HAUS6: variants seen among roughly 807,000 people sequenced by gnomAD.
The protein encoded by HAUS6 is HAUS augmin like complex subunit 6, also known as HAUS augmin-like complex subunit 6.
Under a neutral mutation model 106.8 loss-of-function variants are expected in HAUS6, and 80 were observed. The observed-to-expected ratio is 0.75, with a 90% CI of 0.63 to 0.90. The LOEUF (loss-of-function observed/expected upper bound fraction) is 0.90. Among genes scored for constraint, HAUS6 ranks in the 40% least tolerant of loss-of-function variants. HAUS6 has a pLI of 0.00. For synonymous variants in HAUS6, 356 were observed against 379.1 expected (o/e 0.94, Z 0.71); for missense variants, 1,155 against 1,118.1 (o/e 1.03, Z -0.47).
At chr9:19,083,222 T>A (rs1837204644) in intron 7 of HAUS6, among the ~76,000 whole-genome samples, 179 bp from the exon 8 acceptor site, 5 of 152,082 alleles carry the variant, frequency 3.3e-5, no homozygotes, top group Admixed American at 2.6e-4. Context: ...AGGGAATTTT[T>A]AAAAAAATGT....
At chr9:19,083,119 T>G (rs767515363) in intron 7 of HAUS6, 76 bp from the exon 8 acceptor site, 1 of 724,908 alleles carries the variant, frequency 1.4e-6, no homozygotes, top group Non-Finnish European at 2.1e-6. Context: ...GTATGTTCAC[T>G]CTTAGTAACA....
chr9:19,071,658 C>T lies in HAUS6; in HGVS notation c.1295-1358G>A, dbSNP rs139088689. Among the ~76,000 whole-genome samples the T allele has an allele frequency of 6.8e-3, 1,017 of 150,230 alleles. 10 individuals carry two copies. The highest frequency in any genetic ancestry group is 0.024 in the African/African-American group (975 of 40,822). ...CCACAATCATGGCTCACTACAGCCT[C>T]GACTTCCTGGGCTCAAGCGATCCTC... On this transcript the variant is annotated intron_variant, in intron 11 of 16. Coordinates refer to ENST00000380502, the MANE Select transcript of HAUS6 (RefSeq NM_017645.5).
rs1415142801 is a variant in HAUS6 at position 19,058,560 on chromosome 9, A to G, written c.2207T>C (p.Leu736Ser). The change falls in exon 16 of 17, where the codon TTG becomes TCG. Residue 736 changes from leucine (L) to serine (S), a missense_variant. Leu to Ser is a moderately radical substitution (Grantham distance 145). Transcript: ENST00000380502. ...GGSEEEFMKI[L>S]DHLEVSCNKP... Reference sequence around the variant, plus strand: ...GTTACAAGAAACTTCTAAGTGGTCCAATATTTTCATAAACTCCTCTTCACT... The same window carrying G: ...GTTACAAGAAACTTCTAAGTGGTCCGATATTTTCATAAACTCCTCTTCACT... 6 of 1,592,334 alleles carry G rather than the reference A, an allele frequency of 3.8e-6. No individual in the cohort carries two copies. The highest frequency in any genetic ancestry group is 5.2e-6 in the Non-Finnish European group (6 of 1,164,954).
intron 3 of HAUS6, 81 bp from the exon 4 acceptor site, chr9:19,093,384 G>C: frequency 1.6e-6 from 2 of 1,231,224 alleles, no homozygotes; most frequent in South Asian, 1.3e-5. Flanking sequence ...TTTTGTTAAA[G>C]GGTGTGACAG....
At chr9:19,068,173 T>C (rs1836805547) in intron 12 of HAUS6, among the ~76,000 whole-genome samples, 9 of 152,048 alleles carry the variant, frequency 5.9e-5, no homozygotes, top group Admixed American at 5.2e-4. Flanking sequence ...GCACCAACCA[T>C]ACCCTCCCCT....
intron 4 of HAUS6, among the ~76,000 whole-genome samples, chr9:19,090,657 C>T (rs1219636105): frequency 6.6e-6 from 1 of 152,184 alleles, no homozygotes; most frequent in African/African-American, 2.4e-5. Flanking sequence ...GCCACCTCGC[C>T]CAGCCATAGA....
In HAUS6 at chr9:19,058,271, A is replaced by G. The variant is rs1836524449; in HGVS notation, c.2496T>C (p.Ala832=). 1 of 1,613,700 alleles carries G rather than the reference A, an allele frequency of 6.2e-7. No homozygotes were observed. Among genetic ancestry groups the G allele is most frequent in the Non-Finnish European group, 8.5e-7 (1 of 1,179,802 alleles). The change falls in exon 16 of 17, where the codon GCT becomes GCC. Residue 832 remains alanine (A), a synonymous_variant. Transcript: ENST00000380502. ...TTPESDFNLQ[A]LRSRYEALKK... ...TCAGAGCCTCGTATCTACTGCGAAG[A>G]GCCTGTAAATTAAAGTCTGATTCTG...
intron 9 of HAUS6, among the ~76,000 whole-genome samples, chr9:19,079,813 G>C (rs1837098401): frequency 6.6e-6 from 1 of 151,478 alleles, no homozygotes; most frequent in Non-Finnish European, 1.5e-5. Context: ...TGAGGCAGGA[G>C]AATCGCATGA....
In HAUS6 at chr9:19,072,230, G is replaced by T. The variant is rs189483452; in HGVS notation, c.1295-1930C>A. On this transcript the variant is annotated intron_variant, in intron 11 of 16. Coordinates refer to ENST00000380502, the MANE Select transcript of HAUS6 (RefSeq NM_017645.5). ...AAAGAAAAATTAACTAACTACAAAT[G>T]GGCCAGGTACGATGACTAACACCTG... 8.1e-4 allele frequency among the ~76,000 whole-genome samples: 123 copies of T among 151,394 alleles called. 1 individual carries two copies. Among genetic ancestry groups the T allele is most frequent in the Admixed American group, 8.1e-3 (123 of 15,166 alleles).
At position 19,082,477 on chromosome 9, in the gene HAUS6, G is replaced by A. The variant is rs143358800; in HGVS notation, c.870+396C>T. ...ATAGAAATAAATTCTGGCCGGGTGC[G>A]GTGGCTCACGCCTGTAATCCCAGCA... On this transcript the variant is annotated intron_variant, in intron 8 of 16. Transcript: ENST00000380502. 4.2e-3 allele frequency among the ~76,000 whole-genome samples: 645 copies of A among 152,176 alleles called. 3 individuals are homozygous for A. The highest frequency in any genetic ancestry group is 0.015 in the African/African-American group (611 of 41,506).
intron 8 of HAUS6, among the ~76,000 whole-genome samples, 155 bp from the exon 9 acceptor site, chr9:19,080,827 G>C (rs1396463420): frequency 6.6e-6 from 1 of 152,192 alleles, no homozygotes; most frequent in East Asian, 1.9e-4. Context: ...CAGCACTCTG[G>C]GAGTTGGGGG....
At chr9:19,085,836 G>C (rs1057372406) in intron 7 of HAUS6, among the ~76,000 whole-genome samples, 3 of 151,982 alleles carry the variant, frequency 2.0e-5, no homozygotes, top group Non-Finnish European at 4.4e-5. Context: ...ATCAAGCAGA[G>C]CTTTTTGTAC....
chr9:19,078,334 G>A (rs1029143507), intron 9 of HAUS6, 32 bp from the exon 10 acceptor site: 3 of 1,245,296 alleles, frequency 2.4e-6, no homozygotes, highest in Admixed American at 2.1e-5. Flanking sequence ...TTATTCAAAA[G>A]ATGATACAAA....
chr9:19,102,769 C>T lies in HAUS6; in HGVS notation c.-118G>A, dbSNP rs1818019995. On this transcript the variant is annotated 5_prime_UTR_variant, in exon 1 of 17. Transcript: ENST00000380502. Reference sequence around the variant, plus strand: ...GTCGCGGTGGTCCTTCCATTGCCAACGCCTGCTCCTTTCACGCCCAGAGCG... The same window carrying T: ...GTCGCGGTGGTCCTTCCATTGCCAATGCCTGCTCCTTTCACGCCCAGAGCG... The T allele has an allele frequency of 1.1e-6, 1 of 931,774 alleles. No homozygotes were observed. Among genetic ancestry groups the T allele is most frequent in the South Asian group, 1.7e-5 (1 of 57,372 alleles). 57.7% of individuals were successfully genotyped at this position (931,774 alleles called of 1,614,324 possible).
chr9:19,091,814 AC>A (rs1282260583), intron 4 of HAUS6, among the ~76,000 whole-genome samples: 1 of 152,070 alleles, frequency 6.6e-6, no homozygotes, highest in Admixed American at 6.6e-5. Context: ...GGTGCCCACC[AC>A]CATGCCAGGT....
intron 10 of HAUS6, 38 bp from the exon 11 acceptor site, chr9:19,076,742 T>G (rs929078901): frequency 2.3e-6 from 2 of 869,906 alleles, no homozygotes; most frequent in Non-Finnish European, 3.9e-6. Context: ...AGTAAACATA[T>G]TTGCTAACTA....
chr9:19,094,252 G>C, intron 3 of HAUS6, 65 bp downstream of exon 3: 1 of 910,778 alleles, frequency 1.1e-6, no homozygotes, highest in Non-Finnish European at 1.8e-6. Flanking sequence ...CCTCTAAAAA[G>C]TTAAAGAGTT....
At chr9:19,079,994 G>C (rs1314709290) in intron 9 of HAUS6, among the ~76,000 whole-genome samples, 1 of 151,204 alleles carries the variant, frequency 6.6e-6, no homozygotes, top group Non-Finnish European at 1.5e-5. Flanking sequence ...GACCAACATG[G>C]AGAAAACCCA....
In HAUS6 at chr9:19,093,249, C is replaced by T; in HGVS notation, c.358G>A (p.Gly120Ser). ...QVVGSLFLSP[G>S]GPKFIHLMYH... ...ATCAGATGAATAAACTTAGGACCAC[C>T]AGGAGAAAGAAATAGTGAACCAACA... Residue 120 changes from glycine (G) to serine (S), a missense_variant, in exon 4 of 17, where the codon GGT becomes AGT. Coordinates refer to ENST00000380502, the MANE Select transcript of HAUS6 (RefSeq NM_017645.5). 6.2e-7 allele frequency: 1 copy of T among 1,609,680 alleles called. No individual in the cohort carries two copies. The highest frequency in any genetic ancestry group is 1.1e-5 in the South Asian group (1 of 90,532).
Sources: gnomAD v4.1 joint callset for allele counts (sites outside exome capture counted in the v4.1 genomes callset) on GRCh38, gnomAD v4.1.1 for gene constraint, MANE v1.5 for transcripts, NCBI Gene and HGNC (gene_info 2026-07-23, HGNC 2026-07-21) for gene names.